EPM2A: variants seen among roughly 807,000 people sequenced by gnomAD.
EPM2A encodes EPM2A glucan phosphatase, laforin, also known as laforin.
Under a neutral mutation model 26.5 loss-of-function variants are expected in EPM2A, and 21 were observed. The ratio of observed to expected loss-of-function variants is 0.79; its 90% CI spans 0.56 to 1.14. EPM2A has a LOEUF of 1.14. Ranked by LOEUF, EPM2A falls within the 50% of genes most tolerant of loss-of-function variation. The pLI is 0.00. For missense variants in EPM2A, 458 were observed against 440.8 expected, an observed-to-expected ratio of 1.04 and a Z score of -0.35; for synonymous variants, 217 against 177.6, an observed-to-expected ratio of 1.22 and a Z score of -1.76.
intron 4 of EPM2A, chr6:145,491,889 T>A: frequency 2.0e-6 from 1 of 498,618 alleles, no homozygotes; most frequent in South Asian, 1.5e-5. Flanking sequence ...CCACCAAAGG[T>A]TCCTGGGTAA....
chr6:145,509,126 TGAGA>T (rs936184915), intron 2 of EPM2A, among the ~76,000 whole-genome samples: 4 of 152,104 alleles, frequency 2.6e-5, no homozygotes, highest in Non-Finnish European at 5.9e-5. Flanking sequence ...TTGGCATTCC[TGAGA>T]GAGAGAAGAA....
At chr6:145,559,248 G>A (rs548022995) in intron 2 of EPM2A, among the ~76,000 whole-genome samples, 2 of 152,056 alleles carry the variant, frequency 1.3e-5, no homozygotes, top group Admixed American at 1.3e-4. Context: ...AGGTGAACAG[G>A]CAATGCCTAG....
rs111378954 is a variant in EPM2A at position 145,697,516 on chromosome 6, C to G, written c.302-11220G>C. On this transcript the variant is annotated intron_variant, in intron 1 of 3. Coordinates refer to ENST00000367519, the MANE Select transcript of EPM2A (RefSeq NM_005670.4). Reference sequence around the variant, plus strand: ...CTGGTCTGACCAAAAATTTATTAGGCGGGAATTTCCTCGTCCTAATAAGCC... The same window carrying G: ...CTGGTCTGACCAAAAATTTATTAGGGGGGAATTTCCTCGTCCTAATAAGCC... Among the ~76,000 whole-genome samples the G allele has an allele frequency of 9.2e-5, 14 of 152,106 alleles. No homozygotes were observed. In the South Asian group the frequency reaches 2.5e-3, roughly 27 times the overall value.
intron 4 of EPM2A, among the ~76,000 whole-genome samples, chr6:145,423,233 T>G (rs1242733260): frequency 1.3e-5 from 2 of 152,224 alleles, no homozygotes; most frequent in Non-Finnish European, 2.9e-5. Context: ...AAGATTGTAT[T>G]GCTTCATCCC....
At chr6:145,603,182 C>A (rs971659821) in intron 2 of EPM2A, among the ~76,000 whole-genome samples, 3 of 151,958 alleles carry the variant, frequency 2.0e-5, no homozygotes, top group Admixed American at 1.3e-4. Context: ...AGTGGTGCAA[C>A]TTGGGCATCA....
At chr6:145,473,831 T>C (rs1000001552) in intron 4 of EPM2A, among the ~76,000 whole-genome samples, 1 of 151,866 alleles carries the variant, frequency 6.6e-6, no homozygotes, top group African/African-American at 2.4e-5. Flanking sequence ...TCTTCAAACA[T>C]GAAGGAGAAA....
rs753781421 is a variant in EPM2A at position 145,686,149 on chromosome 6, G to A, written c.449C>T (p.Ala150Val). 3 of 1,613,710 alleles carry A rather than the reference G, an allele frequency of 1.9e-6. No homozygotes were observed. Among genetic ancestry groups the A allele is most frequent in the Admixed American group, 1.7e-5 (1 of 59,928 alleles). The change falls in exon 2 of 4, where the codon GCA becomes GTA. Residue 150 changes from alanine to valine, a missense_variant. Transcript: ENST00000367519. ...KHTTDFYFNI[A>V]GHQAMHYSRI... ...TGAATAATGCATGGCTTGGTGGCCT[G>A]CAATATTAAAATAGAAGTCTGTTGT...
At chr6:145,499,453 T>G (rs1779860909), downstream of EPM2A, among the ~76,000 whole-genome samples, 1 of 152,248 alleles carries the variant, frequency 6.6e-6, no homozygotes, top group Non-Finnish European at 1.5e-5. Context: ...TTTCAAATCA[T>G]AAGTTTATCA....
intron 1 of EPM2A, chr6:145,722,716 G>C (rs1231957421): frequency 2.2e-6 from 1 of 445,892 alleles, no homozygotes; most frequent in Non-Finnish European, 4.5e-6. Context: ...TTTGAAGATA[G>C]GATGTTTACA....
intron 4 of EPM2A, among the ~76,000 whole-genome samples, chr6:145,401,610 T>C (rs2114667138): frequency 6.6e-6 from 1 of 152,262 alleles, no homozygotes; most frequent in South Asian, 2.1e-4. Flanking sequence ...CAGTGAGGAA[T>C]GAGGTAAAAT....
chr6:145,635,012 C>A, intron 3 of EPM2A: 1 of 459,190 alleles, frequency 2.2e-6, no homozygotes, highest in Non-Finnish European at 3.9e-6. Flanking sequence ...CATAATGCCG[C>A]ATACCCAGTA....
At chr6:145,461,842 A>T (rs1779331847) in intron 4 of EPM2A, among the ~76,000 whole-genome samples, 1 of 152,198 alleles carries the variant, frequency 6.6e-6, no homozygotes, top group Admixed American at 6.6e-5. Flanking sequence ...GACTTTAAAA[A>T]GGGGAAAAAT....
At chr6:145,570,518 A>G (rs1026405914) in intron 2 of EPM2A, among the ~76,000 whole-genome samples, 4 of 152,258 alleles carry the variant, frequency 2.6e-5, no homozygotes, top group South Asian at 4.1e-4. Flanking sequence ...ACACATGCAC[A>G]AACATGTTTT....
chr6:145,446,398 C>T (rs1374000907), intron 4 of EPM2A, among the ~76,000 whole-genome samples: 1 of 152,076 alleles, frequency 6.6e-6, no homozygotes, highest in Admixed American at 6.5e-5. Flanking sequence ...CTGTTTCTAT[C>T]ATTTGTTTTT....
At chr6:145,407,654 G>T (rs905949808) in intron 4 of EPM2A, among the ~76,000 whole-genome samples, 7 of 152,096 alleles carry the variant, frequency 4.6e-5, no homozygotes, top group Non-Finnish European at 8.8e-5. Flanking sequence ...GAGTCTAAAA[G>T]TTATTTCCCT....
chr6:145,540,657 T>C (rs114636831), intron 2 of EPM2A, among the ~76,000 whole-genome samples: 1 of 152,316 alleles, frequency 6.6e-6, no homozygotes, highest in African/African-American at 2.4e-5. Flanking sequence ...AAGTAAAGAA[T>C]AAAATACTTT....
chr6:145,422,035 G>C (rs182592397), intron 4 of EPM2A, among the ~76,000 whole-genome samples: 15 of 138,218 alleles, frequency 1.1e-4, no homozygotes, highest in African/African-American at 3.7e-4. Context: ...AAAATATTAG[G>C]TTAAATAGAA....
chr6:145,580,550 G>C (rs9403726), intron 2 of EPM2A, among the ~76,000 whole-genome samples: 122 of 151,882 alleles, frequency 8.0e-4, no homozygotes, highest in Admixed American at 2.6e-3. Context: ...CAAGGGTACA[G>C]GCACAGGTTT....
intron 2 of EPM2A, among the ~76,000 whole-genome samples, chr6:145,685,354 A>C (rs1408528900): frequency 6.6e-6 from 1 of 152,172 alleles, no homozygotes; most frequent in African/African-American, 2.4e-5. Flanking sequence ...AATTTGTATG[A>C]TGGTAAGTAA....
Sources: allele counts gnomAD v4.1 joint callset (sites outside exome capture counted in the v4.1 genomes callset), GRCh38; gene constraint gnomAD v4.1.1; transcripts MANE v1.5; gene names NCBI Gene and HGNC (gene_info 2026-07-23, HGNC 2026-07-21).